IPCEF1: variants seen among roughly 807,000 people sequenced by gnomAD.
The protein encoded by IPCEF1 is interaction protein for cytohesin exchange factors 1, also known as interactor protein for cytohesin exchange factors 1.
IPCEF1 carries 31 observed loss-of-function variants against 50.9 expected under a neutral mutation model. The ratio of observed to expected loss-of-function variants is 0.61; its 90% CI spans 0.46 to 0.82. The LOEUF is 0.82. Ranked by LOEUF, IPCEF1 falls within the 40% of genes least tolerant of loss-of-function variation. The pLI is 0.00. For synonymous variants in IPCEF1, 181 were observed against 192.0 expected (o/e 0.94, Z 0.47); for missense variants, 458 against 514.0 (o/e 0.89, Z 1.05).
Position 154,212,790 on chromosome 6 carries a change from C to T in IPCEF1, c.517G>A (p.Ala173Thr), listed in dbSNP as rs761913720. The change falls in exon 9 of 12, where the codon GCT becomes ACT. Residue 173 changes from alanine (A) to threonine (T), a missense_variant. Transcript: ENST00000367220. ...CATACCAAAGACTGAGTCTGGGAAG[C>T]GTGAGGAGGGGGTGGTGTCTCCGCA... is the stretch of plus-strand genomic sequence containing the variant. ...IAAETPPPPH[A>T]SQTQSLTAQQ... The T allele has an allele frequency of 4.1e-5, 66 of 1,612,366 alleles. 1 individual carries two copies. The Middle Eastern group carries it at 3.5e-3, about 85-fold the overall frequency.
intron 1 of IPCEF1, among the ~76,000 whole-genome samples, chr6:154,333,331 C>T (rs902013325): frequency 6.7e-6 from 1 of 150,006 alleles, no homozygotes; most frequent in Admixed American, 6.7e-5. Context: ...CAATCAGCTG[C>T]CAGCAAATAT....
intron 5 of IPCEF1, among the ~76,000 whole-genome samples, chr6:154,241,163 G>A (rs572963230): frequency 1.3e-5 from 2 of 151,256 alleles, no homozygotes; most frequent in South Asian, 2.1e-4. Flanking sequence ...TTGAACCCGG[G>A]AGGCGGAGGT....
chr6:154,340,621 C>G (rs575606113), intron 1 of IPCEF1, among the ~76,000 whole-genome samples: 4 of 151,968 alleles, frequency 2.6e-5, no homozygotes, highest in Non-Finnish European at 4.4e-5. Context: ...CGCGGTGACT[C>G]ACGCCTGTAA....
At chr6:154,328,593 T>TA (rs35105337) in intron 1 of IPCEF1, among the ~76,000 whole-genome samples, 11,707 of 145,566 alleles carry the variant, frequency 0.08, 1,377 homozygotes, top group African/African-American at 0.26. Flanking sequence ...AAAAGAAAAT[T>TA]AAAAAAAAAA....
intron 10 of IPCEF1, among the ~76,000 whole-genome samples, chr6:154,181,736 C>G (rs571179932): frequency 6.6e-6 from 1 of 152,066 alleles, no homozygotes; most frequent in Admixed American, 6.6e-5. Context: ...CCGCAGGGCA[C>G]GAGACCTGAG....
At position 154,355,616 on chromosome 6, in the gene IPCEF1, G is replaced by A. The variant is rs367629790; in HGVS notation, c.-62+1056C>T. On this transcript the variant is annotated intron_variant, in intron 1 of 11. Coordinates refer to ENST00000367220, the MANE Select transcript of IPCEF1 (RefSeq NM_001130700.2). ...CAATTCTCCTGCCTCAGCTTCCCAGGTAGCTGGGATTACAGGTGCATGCTC... is the reference window on the plus strand; with the variant it reads ...CAATTCTCCTGCCTCAGCTTCCCAGATAGCTGGGATTACAGGTGCATGCTC... Among the ~76,000 whole-genome samples, 5 of 151,834 alleles carry A rather than the reference G, an allele frequency of 3.3e-5. No homozygotes were observed. In the East Asian group the frequency reaches 5.8e-4, roughly 18 times the overall value.
At chr6:154,222,039 T>C (rs556458469) in intron 6 of IPCEF1, among the ~76,000 whole-genome samples, 1 of 152,356 alleles carries the variant, frequency 6.6e-6, no homozygotes, top group South Asian at 2.1e-4. Flanking sequence ...TTCTTCACTT[T>C]CAATCAAATA....
At chr6:154,344,304 G>A (rs1259711845) in intron 1 of IPCEF1, among the ~76,000 whole-genome samples, 2 of 152,126 alleles carry the variant, frequency 1.3e-5, no homozygotes, top group Non-Finnish European at 2.9e-5. Flanking sequence ...TCCTCCACTC[G>A]TCGGAGCCAT....
chr6:154,347,640 T>C (rs1784056066), intron 1 of IPCEF1, among the ~76,000 whole-genome samples: 1 of 152,208 alleles, frequency 6.6e-6, no homozygotes, highest in African/African-American at 2.4e-5. Context: ...AGACTACTTT[T>C]TCACCAGCCT....
At chr6:154,200,120 C>G (rs1776943190) in intron 9 of IPCEF1, 80 bp from the exon 10 acceptor site, 21 of 1,285,630 alleles carry the variant, frequency 1.6e-5, no homozygotes, top group Middle Eastern at 2.4e-4. Flanking sequence ...TATTTTCAAT[C>G]ACGGTGTCCC....
rs575134882 is a variant in IPCEF1 at position 154,195,216 on chromosome 6, C to T, written c.910+4452G>A. Reference sequence around the variant, plus strand: ...AGGCTGGAGTGCAGTGGCACGATCTCGGCTCACTGCAATCTCCGCCTCCAG... The same window carrying T: ...AGGCTGGAGTGCAGTGGCACGATCTTGGCTCACTGCAATCTCCGCCTCCAG... On this transcript the variant is annotated intron_variant, in intron 10 of 11. Coordinates refer to ENST00000367220, the MANE Select transcript of IPCEF1 (RefSeq NM_001130700.2). Among the ~76,000 whole-genome samples the T allele has an allele frequency of 2.1e-4, 31 of 147,298 alleles. No individual in the cohort carries two copies. In the East Asian group the frequency reaches 4.4e-3, roughly 21 times the overall value.
chr6:154,210,137 T>C (rs1777847572), intron 9 of IPCEF1, among the ~76,000 whole-genome samples: 1 of 152,210 alleles, frequency 6.6e-6, no homozygotes, highest in African/African-American at 2.4e-5. Flanking sequence ...GTTGCTTTTA[T>C]TTCACCAGGG....
At chr6:154,279,039 C>T (rs898605049) in intron 2 of IPCEF1, among the ~76,000 whole-genome samples, 2 of 150,490 alleles carry the variant, frequency 1.3e-5, no homozygotes, top group East Asian at 3.9e-4. Context: ...GTGAGAGGAT[C>T]CCTTGAACCT....
Position 154,168,120 on chromosome 6 carries a change from GAAA to G in IPCEF1, c.911-10_911-8del. ...TCAGACACTTTTGTCTCTTCTATTT[GAAA>G]AAAAAAAAGAAAGCAGTAACAATAA... is the stretch of plus-strand genomic sequence containing the variant. On this transcript the variant is annotated splice_region_variant and splice_polypyrimidine_tract_variant and intron_variant, in intron 10 of 11. Transcript: ENST00000367220. The surrounding 1 kb of genome is among the most constrained non-coding windows in gnomAD (Gnocchi z 4.1). 2 of 1,170,810 alleles carry G rather than the reference GAAA, an allele frequency of 1.7e-6. No homozygotes were observed. The highest frequency in any genetic ancestry group is 2.6e-5 in the Admixed American group (1 of 38,820). 72.5% of individuals were successfully genotyped at this position (1,170,810 alleles called of 1,614,324 possible). A position where few individuals can be genotyped will look rare whatever the true frequency, so the allele number is the denominator to read the frequency against.
chr6:154,186,377 T>A (rs1312518261), intron 10 of IPCEF1, among the ~76,000 whole-genome samples: 2 of 152,174 alleles, frequency 1.3e-5, no homozygotes, highest in Non-Finnish European at 2.9e-5. Context: ...CAAATTCCAT[T>A]GTCTCATTTT....
intron 1 of IPCEF1, among the ~76,000 whole-genome samples, chr6:154,308,172 TG>T (rs1397243769): frequency 6.6e-6 from 1 of 152,210 alleles, no homozygotes; most frequent in East Asian, 1.9e-4. Context: ...TGGCGTGCAG[TG>T]GTGCAATCAT....
chr6:154,341,894 G>C (rs1783925907), intron 1 of IPCEF1, among the ~76,000 whole-genome samples: 1 of 152,124 alleles, frequency 6.6e-6, no homozygotes, highest in Non-Finnish European at 1.5e-5. Context: ...GCCTTGAACT[G>C]CTGCCTGAGC....
At chr6:154,321,382 C>T (rs569506415) in intron 1 of IPCEF1, among the ~76,000 whole-genome samples, 2 of 151,954 alleles carry the variant, frequency 1.3e-5, no homozygotes, top group South Asian at 2.1e-4. Flanking sequence ...ATAGTTTTTA[C>T]TCATGAACTT....
chr6:154,183,345 T>TGTA (rs1365218585), intron 10 of IPCEF1, among the ~76,000 whole-genome samples: 1 of 152,234 alleles, frequency 6.6e-6, no homozygotes, highest in Non-Finnish European at 1.5e-5. Flanking sequence ...CTGCAATCTA[T>TGTA]GTACTTGCAT....
Sources: allele counts gnomAD v4.1 joint callset (sites outside exome capture counted in the v4.1 genomes callset), GRCh38; gene constraint gnomAD v4.1.1; non-coding constraint Gnocchi (gnomAD v3.1); transcripts MANE v1.5; gene names NCBI Gene and HGNC (gene_info 2026-07-23, HGNC 2026-07-21).